Variants in JMY observed in about 807,000 individuals in gnomAD.
JMY encodes the protein junction mediating and regulatory protein, p53 cofactor, also known as junction-mediating and -regulatory protein.
A neutral mutation model predicts 103.3 loss-of-function variants in JMY; 46 were observed. The ratio of observed to expected loss-of-function variants is 0.45; its 90% CI spans 0.35 to 0.57. The LOEUF (loss-of-function observed/expected upper bound fraction) is 0.57. JMY is among the 20% of genes least tolerant of loss of function. The pLI, the probability that JMY is intolerant of heterozygous loss-of-function variation, is 0.00. For missense variants in JMY, 1,238 were observed against 1,255.2 expected (o/e 0.99, Z 0.21); for synonymous variants, 526 against 489.3 (o/e 1.07, Z -0.99).
chr5:79,278,519 A>G (rs1395881986), intron 2 of JMY, among the ~76,000 whole-genome samples: 1 of 141,502 alleles, frequency 7.1e-6, no homozygotes, highest in African/African-American at 2.6e-5. Context: ...TGGGATGCTG[A>G]GGCAAGAGGA....
chr5:79,313,293 C>G (rs2112118567), intron 8 of JMY, among the ~76,000 whole-genome samples: 1 of 152,180 alleles, frequency 6.6e-6, no homozygotes, highest in East Asian at 1.9e-4. Flanking sequence ...GTGGAACATG[C>G]CTGTGGTTCC....
chr5:79,314,328 A>C lies in JMY; in HGVS notation c.2136A>C (p.Ala712=). The C allele has an allele frequency of 6.2e-7, 1 of 1,614,236 alleles. No homozygotes were observed. The highest frequency in any genetic ancestry group is 8.5e-7 in the Non-Finnish European group (1 of 1,180,038). Residue 712 remains alanine, a synonymous_variant, in exon 9 of 11, where the codon GCA becomes GCC. Coordinates refer to ENST00000396137, the MANE Select transcript of JMY (RefSeq NM_152405.5). The part of the protein sequence containing the change: ...RLAHARRKGA[A]SPVLQEDHCD... ...CTCATGCAAGAAGAAAAGGTGCAGC[A>C]AGTCCTGTTCTCCAAGAGGATCATT...
chr5:79,238,826 G>A (rs1452979975), intron 1 of JMY, among the ~76,000 whole-genome samples: 1 of 151,758 alleles, frequency 6.6e-6, no homozygotes, highest in Non-Finnish European at 1.5e-5. Context: ...ACGTTAGCCC[G>A]GCTACTTTTT....
chr5:79,255,917 G>C (rs1430280949), intron 1 of JMY, among the ~76,000 whole-genome samples: 1 of 152,234 alleles, frequency 6.6e-6, no homozygotes, highest in Admixed American at 6.5e-5. Flanking sequence ...CCCAAGGCCT[G>C]CTATAACCAC....
intron 1 of JMY, among the ~76,000 whole-genome samples, chr5:79,274,412 T>C (rs1244328326): frequency 1.3e-5 from 2 of 152,000 alleles, no homozygotes; most frequent in Non-Finnish European, 2.9e-5. Context: ...TTTTGTTTGT[T>C]TGTTTGTTTT....
chr5:79,236,575 C>T lies in JMY; in HGVS notation c.-76C>T, dbSNP rs1460601900. Reference sequence around the variant, plus strand: ...GCGCCCGGCGAGGGTGAGCGGGGGGCGCGGCGCAGCCAGCGGGGAGTCCTC... The same window carrying T: ...GCGCCCGGCGAGGGTGAGCGGGGGGTGCGGCGCAGCCAGCGGGGAGTCCTC... On this transcript the variant is annotated 5_prime_UTR_variant, in exon 1 of 11. Coordinates refer to ENST00000396137, the MANE Select transcript of JMY (RefSeq NM_152405.5). 23 of 1,176,256 alleles carry T rather than the reference C, an allele frequency of 2.0e-5. No homozygotes were observed. The South Asian group carries it at 3.7e-4, about 19-fold the overall frequency. The allele number at this position is 1,176,256 out of a possible 1,614,324, so 72.9% of individuals were successfully genotyped here. A position where few individuals can be genotyped will look rare whatever the true frequency, so the allele number is the denominator to read the frequency against.
At chr5:79,315,598 C>G (rs1274733078) in intron 9 of JMY, among the ~76,000 whole-genome samples, 1 of 152,126 alleles carries the variant, frequency 6.6e-6, no homozygotes, top group Non-Finnish European at 1.5e-5. Context: ...GAAAAAAGCA[C>G]AGTCTCCATA....
chr5:79,264,328 C>A (rs1408352037), intron 1 of JMY, among the ~76,000 whole-genome samples: 3 of 152,010 alleles, frequency 2.0e-5, no homozygotes, highest in African/African-American at 7.2e-5. Flanking sequence ...CTTAAGCAAT[C>A]CGCTGACCTC....
intron 9 of JMY, 33 bp downstream of exon 9, chr5:79,314,884 G>C: frequency 6.6e-7 from 1 of 1,514,124 alleles, no homozygotes; most frequent in Non-Finnish European, 8.9e-7. Flanking sequence ...TCCATCTGTT[G>C]TATGACATCA....
intron 2 of JMY, among the ~76,000 whole-genome samples, chr5:79,280,556 A>G (rs1442798714): frequency 6.6e-6 from 1 of 152,162 alleles, no homozygotes; most frequent in African/African-American, 2.4e-5. Flanking sequence ...ATCAATCATG[A>G]CTATTCTTTT....
intron 8 of JMY, among the ~76,000 whole-genome samples, chr5:79,313,451 T>C (rs2112118761): frequency 6.6e-6 from 1 of 152,206 alleles, no homozygotes; most frequent in South Asian, 2.1e-4. Context: ...GGTCTTACCA[T>C]GGTAAAATAT....
chr5:79,318,637 T>G (rs1178184320), intron 10 of JMY, among the ~76,000 whole-genome samples: 5 of 152,108 alleles, frequency 3.3e-5, no homozygotes, highest in Non-Finnish European at 7.4e-5. Context: ...CTATTATGTA[T>G]ACAGTTACAT....
chr5:79,236,722 C>A lies in JMY; in HGVS notation c.72C>A (p.Arg24=). 1 of 1,502,808 alleles carries A rather than the reference C, an allele frequency of 6.7e-7. No homozygotes were observed. Among genetic ancestry groups the A allele is most frequent in the South Asian group, 1.3e-5 (1 of 78,756 alleles). The allele number at this position is 1,502,808 out of a possible 1,614,324, so 93.1% of individuals were successfully genotyped here. A position where few individuals can be genotyped will look rare whatever the true frequency, so the allele number is the denominator to read the frequency against. The part of the protein sequence containing the change: ...VAVRPHVFDE[R]EKHKFVFIVA... ...TGCGGCCCCATGTGTTCGACGAGCG[C>A]GAGAAACACAAATTCGTCTTTATTG... Residue 24 remains arginine (R), a synonymous_variant, in exon 1 of 11, where the codon CGC becomes CGA. Coordinates refer to ENST00000396137, the MANE Select transcript of JMY (RefSeq NM_152405.5).
chr5:79,250,195 T>C (rs1239090506), intron 1 of JMY, among the ~76,000 whole-genome samples: 2 of 152,190 alleles, frequency 1.3e-5, no homozygotes, highest in African/African-American at 4.8e-5. Flanking sequence ...GCTGTACAGG[T>C]AAAATATTTC....
chr5:79,270,614 G>A (rs7737322), intron 1 of JMY, among the ~76,000 whole-genome samples: 18,876 of 50,904 alleles, frequency 0.37, 5,873 homozygotes, highest in Non-Finnish European at 0.46. Flanking sequence ...TTACATAAAT[G>A]TTTATATAAA....
In JMY at chr5:79,314,459, T is replaced by G; in HGVS notation, c.2267T>G (p.Val756Gly). The change falls in exon 9 of 11, where the codon GTG becomes GGG. Residue 756 changes from valine (V) to glycine (G), a missense_variant. Physicochemically the swap from Val to Gly is moderately radical, Grantham distance 109 (BLOSUM62 -3). Coordinates refer to ENST00000396137, the MANE Select transcript of JMY (RefSeq NM_152405.5). ...CAGACAACAGAACCCCAGAGCCTTG[T>G]GCAACTTGAAGATACTTCATTAACA... is the stretch of plus-strand genomic sequence containing the variant. ...PSQTTEPQSL[V>G]QLEDTSLTQL... is the part of the protein sequence containing the mutation. 1 of 1,614,112 alleles carries G rather than the reference T, an allele frequency of 6.2e-7. No homozygotes were observed. Among genetic ancestry groups the G allele is most frequent in the Non-Finnish European group, 8.5e-7 (1 of 1,179,996 alleles).
chr5:79,293,134 GTT>G (rs1561307627), intron 4 of JMY, among the ~76,000 whole-genome samples: 1 of 152,020 alleles, frequency 6.6e-6, no homozygotes, highest in East Asian at 1.9e-4. Context: ...TTAAAACAAA[GTT>G]CTTCTTGATG....
chr5:79,285,899 A>C (rs1580355297), intron 2 of JMY, among the ~76,000 whole-genome samples: 1 of 152,224 alleles, frequency 6.6e-6, no homozygotes, highest in African/African-American at 2.4e-5. Context: ...TGTGCTTCAT[A>C]ATAATTCCAC....
In JMY at chr5:79,237,203, G is replaced by T. The variant is rs1744547666; in HGVS notation, c.553G>T (p.Ala185Ser). The T allele has an allele frequency of 1.3e-6, 2 of 1,550,450 alleles. No individual in the cohort carries two copies. The highest frequency in any genetic ancestry group is 1.7e-6 in the Non-Finnish European group (2 of 1,146,892). ...GGTGTCCTCTGTACGGATAGTGAGC[G>T]CCTCTGGGACGGTCTCCGAGGAGAT... Reference protein sequence around the residue: ...AQVSSVRIVSASGTVSEEIEV... With the variant: ...AQVSSVRIVSSSGTVSEEIEV... Residue 185 changes from alanine (A) to serine (S), a missense_variant, in exon 1 of 11, where the codon GCC becomes TCC. Transcript: ENST00000396137.
Sources: allele counts gnomAD v4.1 joint callset (sites outside exome capture counted in the v4.1 genomes callset), GRCh38; gene constraint gnomAD v4.1.1; transcripts MANE v1.5; gene names NCBI Gene and HGNC (gene_info 2026-07-23, HGNC 2026-07-21).